ATXN8OS: variants seen among roughly 807,000 people sequenced by gnomAD.
ATXN8OS encodes the protein ATXN8 opposite strand (non-protein coding).
At chr13:70,131,212 C>T in intron 3 of ATXN8OS, 1 of 390,936 alleles carries the variant, frequency 2.6e-6, no homozygotes, top group Non-Finnish European at 4.5e-6. Context: ...ACAATGTGTA[C>T]ATGTATACAT....
intron 3 of ATXN8OS, among the ~76,000 whole-genome samples, chr13:70,138,114 C>A (rs1471858225): frequency 6.6e-6 from 1 of 152,206 alleles, no homozygotes; most frequent in African/African-American, 2.4e-5. Flanking sequence ...TTGGGGCTTA[C>A]AATTCAACAT....
At chr13:70,164,559 G>T (rs1183370622) in intron 4 of ATXN8OS, among the ~76,000 whole-genome samples, 1 of 152,018 alleles carries the variant, frequency 6.6e-6, no homozygotes, top group Admixed American at 6.6e-5. Context: ...AAAGACACAT[G>T]CAGCTACCTA....
chr13:70,139,724 A>G (rs909201205), intron 3 of ATXN8OS, among the ~76,000 whole-genome samples: 1 of 152,088 alleles, frequency 6.6e-6, no homozygotes, highest in Non-Finnish European at 1.5e-5. Context: ...TTCACTGTAT[A>G]TTAGTCATTT....
chr13:70,141,124 G>T (rs1378362286), intron 3 of ATXN8OS, among the ~76,000 whole-genome samples: 1 of 152,106 alleles, frequency 6.6e-6, no homozygotes, highest in Non-Finnish European at 1.5e-5. Flanking sequence ...CATCCTCAAG[G>T]CTTCCCTAGT....
chr13:70,115,590 A>G (rs1888267802), intron 2 of ATXN8OS, among the ~76,000 whole-genome samples: 1 of 152,312 alleles, frequency 6.6e-6, no homozygotes, highest in Admixed American at 6.5e-5. Context: ...TTACTAGACT[A>G]GGATGGTTCT....
intron 1 of ATXN8OS, chr13:70,108,355 T>C: frequency 4.1e-6 from 1 of 242,786 alleles, no homozygotes. Context: ...GGTGGTTTTA[T>C]ATAGTCAGTT....
intron 4 of ATXN8OS, among the ~76,000 whole-genome samples, chr13:70,164,046 GTTTTTATTCTTATTATTA>G (rs1321235627): frequency 9.6e-6 from 1 of 104,676 alleles, no homozygotes; most frequent in Non-Finnish European, 1.8e-5. Flanking sequence ...TAAGCTGGAA[GTTTTTATTCTTATTATTA>G]TTATTATTAT....
At chr13:70,109,093 C>T (rs1206368993) in intron 1 of ATXN8OS, among the ~76,000 whole-genome samples, 1 of 152,208 alleles carries the variant, frequency 6.6e-6, no homozygotes, top group Non-Finnish European at 1.5e-5. Context: ...CAAGGTATAA[C>T]CTTCTAGTAC....
intron 2 of ATXN8OS, among the ~76,000 whole-genome samples, chr13:70,123,203 A>G (rs569551487): frequency 6.6e-6 from 1 of 152,198 alleles, no homozygotes; most frequent in East Asian, 1.9e-4. Flanking sequence ...CTGAAGTTTA[A>G]ATATTGAAAT....
chr13:70,167,466 C>A (rs1358471952), intron 4 of ATXN8OS, among the ~76,000 whole-genome samples: 2 of 151,814 alleles, frequency 1.3e-5, no homozygotes, highest in Non-Finnish European at 1.5e-5. Context: ...ACAATGAGAA[C>A]ACATGGACAC....
chr13:70,154,471 G>A (rs1258131683), intron 4 of ATXN8OS, among the ~76,000 whole-genome samples: 1 of 152,146 alleles, frequency 6.6e-6, no homozygotes, highest in Admixed American at 6.5e-5. Flanking sequence ...ATAAGTGATT[G>A]TGGAATAATA....
intron 2 of ATXN8OS, among the ~76,000 whole-genome samples, chr13:70,122,361 T>TTAG (rs1312024855): frequency 6.6e-6 from 1 of 152,030 alleles, no homozygotes; most frequent in Non-Finnish European, 1.5e-5. Flanking sequence ...CACTAAAGCA[T>TTAG]TAGTAGTCCA....
intron 1 of ATXN8OS, among the ~76,000 whole-genome samples, chr13:70,112,651 T>G (rs937838981): frequency 6.6e-6 from 1 of 152,060 alleles, no homozygotes; most frequent in Admixed American, 6.6e-5. Context: ...CTTGGTTTAT[T>G]TGACCTTTTG....
intron 2 of ATXN8OS, among the ~76,000 whole-genome samples, chr13:70,123,653 A>C (rs8000416): frequency 0.23 from 35,512 of 152,008 alleles, 4,651 homozygotes; most frequent in South Asian, 0.41. Context: ...AAGGGAAAAA[A>C]ATCCCAAATA....
At chr13:70,164,180 T>C (rs1486645518) in intron 4 of ATXN8OS, among the ~76,000 whole-genome samples, 1 of 151,014 alleles carries the variant, frequency 6.6e-6, no homozygotes, top group Non-Finnish European at 1.5e-5. Context: ...ATTACCATTA[T>C]CATTTTTTCC....
intron 3 of ATXN8OS, among the ~76,000 whole-genome samples, chr13:70,140,872 C>T (rs1888705238): frequency 6.6e-6 from 1 of 151,960 alleles, no homozygotes; most frequent in Admixed American, 6.6e-5. Context: ...CAGGTTTCTA[C>T]TTGAGATCAA....
chr13:70,153,656 C>T (rs1188412515), intron 4 of ATXN8OS, among the ~76,000 whole-genome samples: 3 of 152,064 alleles, frequency 2.0e-5, no homozygotes, highest in Non-Finnish European at 2.9e-5. Context: ...ATGAACTACT[C>T]TTCTTTATTG....
At chr13:70,167,693 G>A (rs1193260930) in intron 4 of ATXN8OS, among the ~76,000 whole-genome samples, 1 of 143,386 alleles carries the variant, frequency 7.0e-6, no homozygotes, top group African/African-American at 2.6e-5. Flanking sequence ...TTCAGAAAGA[G>A]CGAAAATACT....
At chr13:70,124,934 GTTTT>G (rs4053601) in intron 2 of ATXN8OS, among the ~76,000 whole-genome samples, 43 of 141,440 alleles carry the variant, frequency 3.0e-4, no homozygotes, top group African/African-American at 1.1e-3. Context: ...TAATTTGAGG[GTTTT>G]TTTTTTTTTG....
Sources: gnomAD v4.1 joint callset for allele counts (sites outside exome capture counted in the v4.1 genomes callset) on GRCh38, gnomAD v4.1.1 for gene constraint, MANE v1.5 for transcripts, NCBI Gene and HGNC (gene_info 2026-07-23, HGNC 2026-07-21) for gene names.